Variants in IL1RL1 observed in about 807,000 individuals in gnomAD.
IL1RL1 encodes the protein interleukin-1 receptor-like 1.
IL1RL1 carries 32 observed loss-of-function variants against 50.9 expected under a neutral mutation model. The ratio of observed to expected loss-of-function variants is 0.63; its 90% confidence interval spans 0.47 to 0.84. The LOEUF (loss-of-function observed/expected upper bound fraction) is 0.84. IL1RL1 is among the 40% of genes least tolerant of loss of function. The probability of loss-of-function intolerance (pLI) is 0.00; values close to 1 mark genes in which losing one functional copy is unlikely to be tolerated. For missense variants in IL1RL1, 773 were observed against 662.9 expected (o/e 1.17, Z -1.82); for synonymous variants, 275 against 236.0 (o/e 1.17, Z -1.51).
intron 1 of IL1RL1, among the ~76,000 whole-genome samples, chr2:102,331,063 G>A (rs986817742): frequency 2.0e-5 from 3 of 152,136 alleles, no homozygotes; most frequent in African/African-American, 7.2e-5. Context: ...ATATTTTTGA[G>A]TCTACTTCTG....
intron 5 of IL1RL1, 140 bp from the exon 6 acceptor site, chr2:102,342,078 TGTGTG>T: frequency 1.8e-6 from 1 of 562,892 alleles, no homozygotes; most frequent in Non-Finnish European, 3.2e-6. Flanking sequence ...TGTGTGTGTG[TGTGTG>T]TGTGTTTGTC....
chr2:102,341,483 A>G (rs1196375249), intron 5 of IL1RL1: 2 of 336,718 alleles, frequency 5.9e-6, no homozygotes, highest in Non-Finnish European at 8.9e-6. Context: ...CCTTAGCACA[A>G]GTCGATCTAC....
intron 1 of IL1RL1, among the ~76,000 whole-genome samples, chr2:102,336,235 C>T (rs753643340): frequency 6.6e-6 from 1 of 152,160 alleles, no homozygotes; most frequent in Non-Finnish European, 1.5e-5. Context: ...CAAATTCTGA[C>T]TTCACCCCTT....
chr2:102,341,628 C>A (rs1677567962), intron 5 of IL1RL1, among the ~76,000 whole-genome samples: 1 of 152,182 alleles, frequency 6.6e-6, no homozygotes. Context: ...CTATCAGTGC[C>A]TCTTTCTGTT....
chr2:102,320,060 A>G (rs911042469), intron 1 of IL1RL1, among the ~76,000 whole-genome samples: 1 of 152,206 alleles, frequency 6.6e-6, no homozygotes, highest in Non-Finnish European at 1.5e-5. Flanking sequence ...AACTATAAGA[A>G]GTCTTTCAAA....
At chr2:102,318,832 C>T (rs1676754326) in intron 1 of IL1RL1, among the ~76,000 whole-genome samples, 1 of 152,026 alleles carries the variant, frequency 6.6e-6, no homozygotes, top group Non-Finnish European at 1.5e-5. Context: ...ACTGAGGATT[C>T]CTAAGCAACA....
intron 8 of IL1RL1, chr2:102,345,971 C>A (rs546332871): frequency 2.0e-6 from 2 of 985,188 alleles, no homozygotes; most frequent in Non-Finnish European, 2.4e-6. Context: ...GAATTATCTT[C>A]GTGTTACAGG....
Position 102,342,299 on chromosome 2 carries a change from GA to G in IL1RL1, c.682+9del, listed in dbSNP as rs1318148468. 1 of 1,589,222 alleles carries G rather than the reference GA, an allele frequency of 6.3e-7. No homozygotes were observed. Among genetic ancestry groups the G allele is most frequent in the African/African-American group, 1.3e-5 (1 of 74,502 alleles). Reference sequence around the variant, plus strand: ...AAATAAAGGAAGTGGAAATTGGTAAGAAAATTTATCAGAATGCTGTAAATAT... The same window carrying G: ...AAATAAAGGAAGTGGAAATTGGTAAGAAATTTATCAGAATGCTGTAAATAT... On this transcript the variant is annotated splice_donor_region_variant and intron_variant, in intron 6 of 10. Coordinates refer to ENST00000233954, the MANE Select transcript of IL1RL1 (RefSeq NM_016232.5).
intron 3 of IL1RL1, 56 bp from the exon 4 acceptor site, chr2:102,340,042 T>C: frequency 9.4e-7 from 1 of 1,058,816 alleles, no homozygotes; most frequent in Non-Finnish European, 1.3e-6. Flanking sequence ...TGAATTTAGA[T>C]TAAGTTATTT....
Position 102,334,489 on chromosome 2 carries a change from G to T in IL1RL1, c.-149-3627G>T, listed in dbSNP as rs550832507. ...GGCTAGGCCGTCTAGGGGCATGCTT[G>T]TTCTGCCCCATCCACTGCAGGTCCT... is the stretch of plus-strand genomic sequence containing the variant. On this transcript the variant is annotated intron_variant, in intron 1 of 10. Coordinates refer to ENST00000233954, the MANE Select transcript of IL1RL1 (RefSeq NM_016232.5). 3.6e-3 allele frequency among the ~76,000 whole-genome samples: 543 copies of T among 152,108 alleles called. 4 individuals are homozygous for T. The highest frequency in any genetic ancestry group is 0.01 in the Middle Eastern group (3 of 294).
At chr2:102,350,319 A>C (rs1282129422) in intron 10 of IL1RL1, among the ~76,000 whole-genome samples, 9 of 152,230 alleles carry the variant, frequency 5.9e-5, no homozygotes, top group African/African-American at 2.2e-4. Flanking sequence ...CTTCTTTTTC[A>C]GTCTATCCAC....
intron 5 of IL1RL1, 106 bp from the exon 6 acceptor site, chr2:102,342,117 C>A: frequency 2.7e-5 from 17 of 627,366 alleles, no homozygotes; most frequent in East Asian, 3.3e-5. Flanking sequence ...GTCAGAAGAA[C>A]TTGAAAAACA....
intron 1 of IL1RL1, among the ~76,000 whole-genome samples, chr2:102,324,901 C>T (rs954354626): frequency 5.3e-5 from 8 of 152,192 alleles, no homozygotes; most frequent in African/African-American, 1.9e-4. Flanking sequence ...GGCCTGCCTG[C>T]CTCTGTAGAC....
intron 8 of IL1RL1, chr2:102,344,398 C>T (rs184750440): frequency 8.2e-5 from 78 of 953,620 alleles, no homozygotes; most frequent in African/African-American, 6.0e-4. Context: ...ATGGAACACA[C>T]GGGAAGTCTG....
At chr2:102,314,497 T>C (rs1676616446) in intron 1 of IL1RL1, among the ~76,000 whole-genome samples, 1 of 152,196 alleles carries the variant, frequency 6.6e-6, no homozygotes, top group South Asian at 2.1e-4. Flanking sequence ...AAAGAAGACT[T>C]GATAACTTAT....
intron 1 of IL1RL1, chr2:102,312,938 C>T (rs1676560980): frequency 6.6e-6 from 1 of 152,068 alleles, no homozygotes; most frequent in African/African-American, 2.4e-5. Flanking sequence ...ATGTTTCTGT[C>T]TGGCTATAAC....
Position 102,351,929 on chromosome 2 carries a change from T to C in IL1RL1, c.*8T>C. 1.3e-6 allele frequency: 2 copies of C among 1,598,010 alleles called. No homozygotes were observed. The highest frequency in any genetic ancestry group is 1.7e-6 in the Non-Finnish European group (2 of 1,172,726). On this transcript the variant is annotated 3_prime_UTR_variant, in exon 11 of 11. Coordinates refer to ENST00000233954, the MANE Select transcript of IL1RL1 (RefSeq NM_016232.5). The stretch of plus-strand genomic sequence containing the variant: ...GCTGCCCAGAAGCAATAGTGCCTGC[T>C]GTGATGTGCAAAGGCATCTGAGTTT...
At chr2:102,319,520 G>A (rs1676776908) in intron 1 of IL1RL1, among the ~76,000 whole-genome samples, 1 of 152,160 alleles carries the variant, frequency 6.6e-6, no homozygotes, top group Non-Finnish European at 1.5e-5. Flanking sequence ...ACATGTAGGT[G>A]TGGATTTATG....
chr2:102,348,948 A>T lies in IL1RL1; in HGVS notation c.1118-131A>T, dbSNP rs1482129977. On this transcript the variant is annotated intron_variant, in intron 9 of 10. Transcript: ENST00000233954. ...AGTGGTTTGACGTCAACATCTCTTG[A>T]GTCTAGAATATTTTGGAGGATGACA... The T allele has an allele frequency of 5.5e-5, 36 of 651,656 alleles. No individual in the cohort carries two copies. In the South Asian group the frequency reaches 6.7e-4, roughly 12 times the overall value. 40.4% of individuals were successfully genotyped at this position (651,656 alleles called of 1,614,324 possible). A position where few individuals can be genotyped will look rare whatever the true frequency, so the allele number is the denominator to read the frequency against.
Sources: gnomAD v4.1 joint callset for allele counts (sites outside exome capture counted in the v4.1 genomes callset) on GRCh38, gnomAD v4.1.1 for gene constraint, MANE v1.5 for transcripts, NCBI Gene and HGNC (gene_info 2026-07-23, HGNC 2026-07-21) for gene names.